The following PKD1L3 variants were observed in gnomAD, a reference collection of about 807,000 sequenced individuals.
PKD1L3 encodes polycystin 1 like 3, transient receptor potential channel interacting, also known as polycystin-1-like protein 3.
PKD1L3 carries 239 observed loss-of-function variants against 184.1 expected under a neutral mutation model. That is an observed-to-expected ratio of 1.30 (90% confidence interval 1.17 to 1.45). The LOEUF (loss-of-function observed/expected upper bound fraction) is 1.45. Among genes scored for constraint, PKD1L3 ranks in the 40% most tolerant of loss-of-function variants. The pLI, the probability that PKD1L3 is intolerant of heterozygous loss-of-function variation, is 0.00. For missense variants in PKD1L3, 2,660 were observed against 2,067.2 expected (o/e 1.29, Z -5.56); for synonymous variants, 996 against 778.8 (o/e 1.28, Z -4.64).
Position 71,982,058 on chromosome 16 carries a change from C to T in PKD1L3, c.1143+1G>A, listed in dbSNP as rs1597361816. The stretch of plus-strand genomic sequence containing the variant: ...TGGCCACCTGCATATCTGGCACCTA[C>T]CGGCTCAGTATGACGCTTGGATTCC... On this transcript the variant is annotated splice_donor_variant, in intron 7 of 29. Coordinates refer to ENST00000620267, the MANE Select transcript of PKD1L3 (RefSeq NM_181536.2). LOFTEE classifies it high-confidence loss of function. The T allele has an allele frequency of 5.2e-6, 8 of 1,541,252 alleles. No homozygotes were observed. The East Asian group carries it at 2.0e-4, about 38-fold the overall frequency.
intron 25 of PKD1L3, among the ~76,000 whole-genome samples, chr16:71,936,545 G>A (rs1433168338): frequency 1.5e-5 from 2 of 132,320 alleles, no homozygotes; most frequent in Non-Finnish European, 3.2e-5. Flanking sequence ...TTGAGATGCA[G>A]TTTCACTCTT....
chr16:71,978,027 G>C (rs1359595167), intron 10 of PKD1L3, among the ~76,000 whole-genome samples: 4 of 152,042 alleles, frequency 2.6e-5, no homozygotes, highest in Non-Finnish European at 1.5e-5. Flanking sequence ...GCCTGCCTCA[G>C]CCTCCCAAAG....
intron 11 of PKD1L3, among the ~76,000 whole-genome samples, chr16:71,976,218 G>C (rs550960578): frequency 7.0e-6 from 1 of 143,088 alleles, no homozygotes; most frequent in Non-Finnish European, 1.5e-5. Context: ...AAAGTGCTAG[G>C]ATTACAGTGG....
At chr16:71,994,593 T>C (rs189196105) in intron 2 of PKD1L3, among the ~76,000 whole-genome samples, 49 of 152,304 alleles carry the variant, frequency 3.2e-4, no homozygotes, top group Admixed American at 1.5e-3. Flanking sequence ...TCATGAACTA[T>C]TGCCCCAGCT....
intron 1 of PKD1L3, among the ~76,000 whole-genome samples, chr16:71,998,922 A>C (rs1313493306): frequency 6.6e-6 from 1 of 152,174 alleles, no homozygotes; most frequent in Middle Eastern, 3.2e-3. Flanking sequence ...AGAATGATAT[A>C]ATAATGGCTT....
chr16:71,966,446 C>G (rs2039504605), intron 15 of PKD1L3, among the ~76,000 whole-genome samples: 1 of 149,904 alleles, frequency 6.7e-6, no homozygotes, highest in African/African-American at 2.5e-5. Flanking sequence ...TTCCTTCCCT[C>G]CGAGACAGGG....
In PKD1L3 at chr16:71,977,560, CTTT is replaced by C. The variant is rs1555523481; in HGVS notation, c.1528-96_1528-94del. On this transcript the variant is annotated intron_variant, in intron 10 of 29. Coordinates refer to ENST00000620267, the MANE Select transcript of PKD1L3 (RefSeq NM_181536.2). Reference sequence around the variant, plus strand: ...GATAAGGTAAGGAAACGTCCTAGCTCTTTTTTTTTTTTTTTTTTTTGAGATGGG... The same window carrying C: ...GATAAGGTAAGGAAACGTCCTAGCTCTTTTTTTTTTTTTTTTTGAGATGGG... 1,756 of 536,504 alleles carry C rather than the reference CTTT, an allele frequency of 3.3e-3. 1 individual carries two copies. The highest frequency in any genetic ancestry group is 6.7e-3 in the East Asian group (162 of 24,320). 33.2% of individuals were successfully genotyped at this position (536,504 alleles called of 1,614,324 possible). A position where few individuals can be genotyped will look rare whatever the true frequency, so the allele number is the denominator to read the frequency against.
rs1342249492 is a variant in PKD1L3 at position 71,945,293 on chromosome 16, TATATATATATATACACACACACACACAC to T, written c.3719-1151_3719-1124del. On this transcript the variant is annotated intron_variant, in intron 22 of 29. Coordinates refer to ENST00000620267, the MANE Select transcript of PKD1L3 (RefSeq NM_181536.2). ...ATATATATATATATATATATATATA[TATATATATATATACACACACACACACAC>T]ATATATACACACACACACACATATA... Among the ~76,000 whole-genome samples, 83 of 70,946 alleles carry T rather than the reference TATATATATATATACACACACACACACAC, an allele frequency of 1.2e-3. No homozygotes were observed. In the East Asian group the frequency reaches 0.019, roughly 16 times the overall value. The allele number at this position is 70,946 out of a possible 152,430, so 46.5% of individuals were successfully genotyped here. A position where few individuals can be genotyped will look rare whatever the true frequency, so the allele number is the denominator to read the frequency against.
chr16:71,971,983 G>A (rs748127079), intron 12 of PKD1L3, among the ~76,000 whole-genome samples: 3 of 152,158 alleles, frequency 2.0e-5, no homozygotes, highest in Non-Finnish European at 4.4e-5. Flanking sequence ...TTGGGAGGCC[G>A]AGGCAGGCGG....
At chr16:71,972,352 A>G (rs1490308630) in intron 12 of PKD1L3, among the ~76,000 whole-genome samples, 1 of 152,236 alleles carries the variant, frequency 6.6e-6, no homozygotes, top group East Asian at 1.9e-4. Context: ...GTGAGCCGAG[A>G]TCATGCCATT....
intron 2 of PKD1L3, among the ~76,000 whole-genome samples, chr16:71,996,474 A>C (rs576326239): frequency 3.6e-4 from 55 of 151,934 alleles, no homozygotes; most frequent in South Asian, 1.0e-3. Context: ...GTTGGCCAGG[A>C]TGGTCTCAAT....
At chr16:71,958,658 G>A (rs1298840245) in intron 16 of PKD1L3, among the ~76,000 whole-genome samples, 2 of 150,576 alleles carry the variant, frequency 1.3e-5, no homozygotes, top group African/African-American at 4.9e-5. Flanking sequence ...GTGGGCGCCT[G>A]TAATCCCAGC....
At chr16:71,938,923 G>A (rs1385552129) in intron 24 of PKD1L3, among the ~76,000 whole-genome samples, 2 of 152,226 alleles carry the variant, frequency 1.3e-5, no homozygotes, top group Non-Finnish European at 2.9e-5. Flanking sequence ...TGAAAGAGCT[G>A]TAACACAAAC....
At chr16:71,943,537 C>CAAAAAAA (rs10693124) in intron 23 of PKD1L3, among the ~76,000 whole-genome samples, 5 of 84,504 alleles carry the variant, frequency 5.9e-5, no homozygotes, top group East Asian at 6.8e-4. Flanking sequence ...GACTCCGTCT[C>CAAAAAAA]AAAAAAAAAA....
chr16:71,933,373 T>G lies in PKD1L3; in HGVS notation c.4926+47A>C, dbSNP rs773041170. The G allele has an allele frequency of 3.5e-6, 5 of 1,409,218 alleles. No individual in the cohort carries two copies. The South Asian group carries it at 6.2e-5, about 17-fold the overall frequency. The allele number at this position is 1,409,218 out of a possible 1,614,324, so 87.3% of individuals were successfully genotyped here. A position where few individuals can be genotyped will look rare whatever the true frequency, so the allele number is the denominator to read the frequency against. ...TTCATAAGGACCCCCCCAATTTTCCTTGTTCAATATATTGAATTCTGTGAG... is the reference window on the plus strand; with the variant it reads ...TTCATAAGGACCCCCCCAATTTTCCGTGTTCAATATATTGAATTCTGTGAG... On this transcript the variant is annotated intron_variant, in intron 28 of 29. Coordinates refer to ENST00000620267, the MANE Select transcript of PKD1L3 (RefSeq NM_181536.2).
At chr16:71,936,034 G>GATCT (rs911274502) in intron 25 of PKD1L3, among the ~76,000 whole-genome samples, 10 of 151,748 alleles carry the variant, frequency 6.6e-5, no homozygotes, top group African/African-American at 2.4e-4. Context: ...GGCTTCAAGT[G>GATCT]ATCTGCCTAC....
intron 16 of PKD1L3, among the ~76,000 whole-genome samples, chr16:71,961,308 A>T (rs899800312): frequency 1.3e-5 from 2 of 152,086 alleles, no homozygotes; most frequent in Admixed American, 1.3e-4. Flanking sequence ...TTTTTGGTAG[A>T]GAAGGGGTTT....
rs926749961 is a variant in PKD1L3, at chr16:71,943,028, G to A, written c.3860-4C>T. 7.8e-6 allele frequency: 12 copies of A among 1,532,472 alleles called. No homozygotes were observed. The highest frequency in any genetic ancestry group is 1.1e-5 in the Non-Finnish European group (12 of 1,133,454). The allele number at this position is 1,532,472 out of a possible 1,614,324, so 94.9% of individuals were successfully genotyped here. ...AGGGTAAGGAAGAGGATTTGTACTT[G>A]TTTAGAAGAGGAAAAAAATGTCATA... On this transcript the variant is annotated splice_polypyrimidine_tract_variant and splice_region_variant and intron_variant, in intron 23 of 29. Coordinates refer to ENST00000620267, the MANE Select transcript of PKD1L3 (RefSeq NM_181536.2).
At chr16:71,968,876 G>A (rs981511617) in intron 13 of PKD1L3, among the ~76,000 whole-genome samples, 5 of 151,362 alleles carry the variant, frequency 3.3e-5, no homozygotes, top group South Asian at 2.1e-4. Context: ...GATTATAGGC[G>A]TGAGCCACTT....
Sources: gnomAD v4.1 joint callset for allele counts (sites outside exome capture counted in the v4.1 genomes callset) on GRCh38, gnomAD v4.1.1 for gene constraint, MANE v1.5 for transcripts, NCBI Gene and HGNC (gene_info 2026-07-23, HGNC 2026-07-21) for gene names.